GOLGA1: variants seen among roughly 807,000 people sequenced by gnomAD.
GOLGA1 encodes the protein golgin subfamily A member 1.
Under a neutral mutation model 119.7 loss-of-function variants are expected in GOLGA1, and 63 were observed. The observed-to-expected ratio is 0.53, with a 90% CI of 0.43 to 0.65. The LOEUF is 0.65. GOLGA1 is among the 30% of genes least tolerant of loss of function. The pLI, the probability that GOLGA1 is intolerant of heterozygous loss-of-function variation, is 0.00. For missense variants in GOLGA1, 798 were observed against 912.8 expected (o/e 0.87, Z 1.62); for synonymous variants, 318 against 333.4 (o/e 0.95, Z 0.50).
upstream of GOLGA1, among the ~76,000 whole-genome samples, chr9:124,942,341 T>C (rs952464202): frequency 6.6e-6 from 1 of 152,190 alleles, no homozygotes; most frequent in African/African-American, 2.4e-5. Context: ...AAGCCAGCCA[T>C]TCCACCTTAA....
chr9:124,880,559 T>TA lies in GOLGA1; in HGVS notation c.2274dup (p.Ile759TyrfsTer22). Reference sequence around the variant, plus strand: ...GACCATGGTATCCGAGGGTTTGAGATAGACGGCCGGATGCTGCCCTTGGGA... The same window carrying TA: ...GACCATGGTATCCGAGGGTTTGAGATAAGACGGCCGGATGCTGCCCTTGGGA... On this transcript the variant is annotated frameshift_variant, in exon 23 of 23. Coordinates refer to ENST00000373555, the MANE Select transcript of GOLGA1 (RefSeq NM_002077.4). LOFTEE classifies it high-confidence loss of function. 6.2e-7 allele frequency: 1 copy of TA among 1,610,202 alleles called. No homozygotes were observed. The highest frequency in any genetic ancestry group is 1.1e-5 in the South Asian group (1 of 91,004).
chr9:124,913,047 T>G (rs1177888342), intron 10 of GOLGA1, among the ~76,000 whole-genome samples: 2 of 152,108 alleles, frequency 1.3e-5, no homozygotes, highest in Non-Finnish European at 2.9e-5. Flanking sequence ...TCAGGAAACT[T>G]ACAAGCATGG....
intron 1 of GOLGA1, chr9:124,947,554 G>T (rs1452654100): frequency 2.0e-5 from 3 of 152,012 alleles, no homozygotes; most frequent in African/African-American, 7.3e-5. Context: ...TGTCCTCACA[G>T]AACTTAAATA....
At position 124,889,297 on chromosome 9, in the gene GOLGA1, T is replaced by TTG. The variant is rs1564322970; in HGVS notation, c.1605_1606dup (p.Asn536ThrfsTer18). On this transcript the variant is annotated frameshift_variant, in exon 18 of 23. Coordinates refer to ENST00000373555, the MANE Select transcript of GOLGA1 (RefSeq NM_002077.4). LOFTEE classifies it high-confidence loss of function. ...CTGGTGTATCTGCAGCAGGGCAGAG[T>TTG]TGTGACCTAGGTCGGGGAGGAGGGG... 6.2e-7 allele frequency: 1 copy of TTG among 1,613,186 alleles called. No individual in the cohort carries two copies. The highest frequency in any genetic ancestry group is 8.5e-7 in the Non-Finnish European group (1 of 1,179,574).
In GOLGA1 at chr9:124,890,361, T is replaced by G. The variant is rs199773776; in HGVS notation, c.1497+28A>C. On this transcript the variant is annotated intron_variant, in intron 16 of 22. Coordinates refer to ENST00000373555, the MANE Select transcript of GOLGA1 (RefSeq NM_002077.4). ...CTGCCTGTGGGACTGCAGGGGGACATCGCCCCTCAGCGTGAAACAGGGCCC... is the reference window on the plus strand; with the variant it reads ...CTGCCTGTGGGACTGCAGGGGGACAGCGCCCCTCAGCGTGAAACAGGGCCC... The G allele has an allele frequency of 3.4e-6, 5 of 1,465,562 alleles. No homozygotes were observed. In the East Asian group the frequency reaches 6.8e-5, roughly 20 times the overall value. 90.8% of individuals were successfully genotyped at this position (1,465,562 alleles called of 1,614,324 possible).
At chr9:124,896,124 C>T (rs1237608647) in intron 15 of GOLGA1, among the ~76,000 whole-genome samples, 1 of 152,184 alleles carries the variant, frequency 6.6e-6, no homozygotes, top group Non-Finnish European at 1.5e-5. Flanking sequence ...CCTAAAAGCT[C>T]CATCTCAGGC....
In GOLGA1 at chr9:124,926,250, T is replaced by C. The variant is rs996173046; in HGVS notation, c.432+459A>G. ...AGGAAACCCAGAGAGACAAAAACTATGTCAAGAAGGCAAACCAAAGGTCCA... is the reference window on the plus strand; with the variant it reads ...AGGAAACCCAGAGAGACAAAAACTACGTCAAGAAGGCAAACCAAAGGTCCA... On this transcript the variant is annotated intron_variant, in intron 7 of 22. Transcript: ENST00000373555. Among the ~76,000 whole-genome samples, 4 of 152,118 alleles carry C rather than the reference T, an allele frequency of 2.6e-5. No individual in the cohort carries two copies. In the South Asian group the frequency reaches 6.2e-4, roughly 24 times the overall value.
Position 124,900,109 on chromosome 9 carries a change from T to A in GOLGA1, c.1161+343A>T. On this transcript the variant is annotated intron_variant, in intron 13 of 22. Coordinates refer to ENST00000373555, the MANE Select transcript of GOLGA1 (RefSeq NM_002077.4). The stretch of plus-strand genomic sequence containing the variant: ...CTTGGCCTGTCATCACAGGCCATCC[T>A]CCCCAGAGTCTGGACTTGTTCTCCC... 4 of 223,128 alleles carry A rather than the reference T, an allele frequency of 1.8e-5. No individual in the cohort carries two copies. The South Asian group carries it at 3.3e-4, about 18-fold the overall frequency. The allele number at this position is 223,128 out of a possible 1,614,324, so 13.8% of individuals were successfully genotyped here.
chr9:124,887,921 C>A (rs1829760368), intron 19 of GOLGA1, among the ~76,000 whole-genome samples: 1 of 152,188 alleles, frequency 6.6e-6, no homozygotes, highest in African/African-American at 2.4e-5. Context: ...ACTTCCACAG[C>A]TGTAGAAAGG....
intron 10 of GOLGA1, among the ~76,000 whole-genome samples, chr9:124,916,465 C>T (rs964463910): frequency 1.6e-4 from 25 of 151,768 alleles, no homozygotes; most frequent in Non-Finnish European, 8.8e-5. Context: ...AATACAATGC[C>T]AAAACATTAA....
chr9:124,915,508 G>A (rs1830420892), intron 10 of GOLGA1, among the ~76,000 whole-genome samples: 1 of 152,070 alleles, frequency 6.6e-6, no homozygotes, highest in African/African-American at 2.4e-5. Context: ...TTAACCACTT[G>A]TCTATCCTTT....
intron 2 of GOLGA1, 146 bp downstream of exon 2, chr9:124,939,960 C>T (rs1830968238): frequency 1.3e-5 from 2 of 152,268 alleles, no homozygotes; most frequent in African/African-American, 4.8e-5. Flanking sequence ...TATTCTGGTT[C>T]CAACCTTAAC....
chr9:124,941,669 C>G (rs923749625), upstream of GOLGA1, among the ~76,000 whole-genome samples: 4 of 152,244 alleles, frequency 2.6e-5, no homozygotes, highest in Non-Finnish European at 5.9e-5. Context: ...GAGTACATAA[C>G]GTCCAGCAGA....
rs200235368 is a variant in GOLGA1 at position 124,899,483 on chromosome 9, G to A, written c.1162-5C>T. 6.9e-5 allele frequency: 107 copies of A among 1,543,896 alleles called. No homozygotes were observed. The East Asian group carries it at 1.2e-3, about 17-fold the overall frequency. The stretch of plus-strand genomic sequence containing the variant: ...GCTCTCCTGGTTGGCGGCAGCCTGC[G>A]GGGAGACCAAAGGACGGTCAGTCAG... On this transcript the variant is annotated splice_polypyrimidine_tract_variant and splice_region_variant and intron_variant, in intron 13 of 22. Transcript: ENST00000373555.
chr9:124,924,973 G>T (rs901697213), intron 7 of GOLGA1, among the ~76,000 whole-genome samples: 3 of 151,910 alleles, frequency 2.0e-5, no homozygotes, highest in African/African-American at 7.3e-5. Flanking sequence ...CCAGCTACTT[G>T]GGAGGCTGAG....
chr9:124,919,054 G>C (rs1220716955), intron 10 of GOLGA1, among the ~76,000 whole-genome samples: 1 of 151,974 alleles, frequency 6.6e-6, no homozygotes, highest in Non-Finnish European at 1.5e-5. Context: ...TTCGAGACCA[G>C]CCTGGGCAAC....
rs1163887973 is a variant in GOLGA1 at position 124,904,089 on chromosome 9, C to A, written c.1066-3542G>T. ...AAAAATTCTAAAAAAAAAAAAAATT[C>A]TGTTAAAAAAAAAAAAGGAATGAAA... is the stretch of plus-strand genomic sequence containing the variant. On this transcript the variant is annotated intron_variant, in intron 12 of 22. Transcript: ENST00000373555. Among the ~76,000 whole-genome samples, 15 of 143,830 alleles carry A rather than the reference C, an allele frequency of 1.0e-4. No individual in the cohort carries two copies. In the South Asian group the frequency reaches 1.1e-3, roughly 11 times the overall value. The allele number at this position is 143,830 out of a possible 152,430, so 94.4% of individuals were successfully genotyped here.
At chr9:124,895,780 C>T (rs534593316) in intron 15 of GOLGA1, among the ~76,000 whole-genome samples, 7 of 150,784 alleles carry the variant, frequency 4.6e-5, no homozygotes, top group Non-Finnish European at 8.9e-5. Context: ...AGAGAGCCTC[C>T]ACAACAGAGA....
intron 10 of GOLGA1, among the ~76,000 whole-genome samples, chr9:124,918,084 T>C (rs527994641): frequency 2.4e-4 from 37 of 152,132 alleles, no homozygotes; most frequent in Non-Finnish European, 4.3e-4. Flanking sequence ...ACTCCCAACC[T>C]CAGGTGATCC....
Sources: allele counts gnomAD v4.1 joint callset (sites outside exome capture counted in the v4.1 genomes callset), GRCh38; gene constraint gnomAD v4.1.1; transcripts MANE v1.5; gene names NCBI Gene and HGNC (gene_info 2026-07-23, HGNC 2026-07-21).